Variants in SPMIP6 observed in about 807,000 individuals in gnomAD.
SPMIP6 encodes ciliated bronchial epithelial protein 1.
chr9:34,381,117 C>A, the SPMIP6 span: 1 of 1,597,218 alleles, frequency 6.3e-7, no homozygotes. The surrounding 1 kb of genome is among the most constrained non-coding windows in gnomAD (Gnocchi z 4.4). Context: ...AGCATGTTCA[C>A]CATCACTTCG....
chr9:34,382,192 G>A, the SPMIP6 span, among the ~76,000 whole-genome samples: 1 of 152,172 alleles, frequency 6.6e-6, no homozygotes, highest in South Asian at 2.1e-4. Context: ...TCCCTACAGA[G>A]CCCAGCCAGG....
chr9:34,380,780 G>A, the SPMIP6 span: 44 of 1,546,320 alleles, frequency 2.8e-5, no homozygotes, highest in Non-Finnish European at 3.8e-5. Flanking sequence ...CGTGCAGCGC[G>A]GGGCTAGAGC....
chr9:34,385,600 G>A, the SPMIP6 span: 1 of 1,599,846 alleles, frequency 6.3e-7, no homozygotes, highest in Non-Finnish European at 8.5e-7. Flanking sequence ...TTCAGGTTGG[G>A]GGTCATTTTA....
At chr9:34,387,748 A>G in the SPMIP6 span, among the ~76,000 whole-genome samples, 1 of 152,204 alleles carries the variant, frequency 6.6e-6, no homozygotes, top group African/African-American at 2.4e-5. Context: ...ATAAAAGCTT[A>G]TTGAAGGCTT....
the SPMIP6 span, among the ~76,000 whole-genome samples, chr9:34,387,985 G>A: frequency 1.3e-5 from 2 of 152,094 alleles, no homozygotes; most frequent in Non-Finnish European, 1.5e-5. Flanking sequence ...TTCAGTATAT[G>A]GGGGTTCACT....
At chr9:34,389,346 T>G in the SPMIP6 span, among the ~76,000 whole-genome samples, 1 of 152,254 alleles carries the variant, frequency 6.6e-6, no homozygotes, top group Non-Finnish European at 1.5e-5. Flanking sequence ...TGTATCTCCT[T>G]GTAAACACAA....
chr9:34,382,313 G>C, the SPMIP6 span, among the ~76,000 whole-genome samples: 1 of 152,234 alleles, frequency 6.6e-6, no homozygotes, highest in East Asian at 1.9e-4. Context: ...GCCAGGTGCA[G>C]TGGCTCATGC....
chr9:34,379,760 G>T, the SPMIP6 span: 3 of 1,582,576 alleles, frequency 1.9e-6, no homozygotes, highest in Admixed American at 5.0e-5. The surrounding 1 kb of genome is among the most constrained non-coding windows in gnomAD (Gnocchi z 4.2). Context: ...CGCGAGCATG[G>T]AGGGGTTGGG....
At chr9:34,379,875 A>C in the SPMIP6 span, 1 of 625,982 alleles carries the variant, frequency 1.6e-6, no homozygotes, top group Non-Finnish European at 2.9e-6. The surrounding 1 kb of genome is among the most constrained non-coding windows in gnomAD (Gnocchi z 4.2). Flanking sequence ...CACCCTTCAA[A>C]ACCCCCACTG....
chr9:34,393,203 C>A, the SPMIP6 span, among the ~76,000 whole-genome samples: 1 of 152,170 alleles, frequency 6.6e-6, no homozygotes, highest in Non-Finnish European at 1.5e-5. Flanking sequence ...CTGTCCTGTT[C>A]CAACTTAAAT....
At chr9:34,379,120 G>C in the SPMIP6 span, 1 of 1,613,774 alleles carries the variant, frequency 6.2e-7, no homozygotes. This position sits in a 1 kb window ranked among gnomAD's most constrained non-coding sequence, Gnocchi z 4.2. Flanking sequence ...ACAAACTCAG[G>C]ATGGATAACA....
the SPMIP6 span, among the ~76,000 whole-genome samples, chr9:34,394,486 T>TA: frequency 6.6e-6 from 1 of 151,558 alleles, no homozygotes; most frequent in South Asian, 2.1e-4. Flanking sequence ...CTGTTAATTC[T>TA]AATATCTGAA....
chr9:34,381,305 C>T, the SPMIP6 span: 27 of 1,608,512 alleles, frequency 1.7e-5, 1 homozygote, highest in Middle Eastern at 1.7e-4. The surrounding 1 kb of genome is among the most constrained non-coding windows in gnomAD (Gnocchi z 4.4). Context: ...CCATCCCGCC[C>T]TCCTCCCGGC....
At chr9:34,381,601 C>A in the SPMIP6 span, 2 of 1,446,424 alleles carry the variant, frequency 1.4e-6, no homozygotes, top group Non-Finnish European at 1.8e-6. The surrounding 1 kb of genome is among the most constrained non-coding windows in gnomAD (Gnocchi z 4.4). Flanking sequence ...GCGGCTGTCA[C>A]CGGGCAACGC....
At chr9:34,394,211 G>A in the SPMIP6 span, among the ~76,000 whole-genome samples, 19,426 of 151,958 alleles carry the variant, frequency 0.13, 1,579 homozygotes, top group East Asian at 0.25. Flanking sequence ...GCTGGAGTGC[G>A]GTGGCATGAT....
the SPMIP6 span, among the ~76,000 whole-genome samples, chr9:34,391,895 T>C: frequency 3.3e-5 from 5 of 152,166 alleles, no homozygotes; most frequent in African/African-American, 1.2e-4. Flanking sequence ...GAGTTTTAGA[T>C]CTTTGCTTTT....
the SPMIP6 span, chr9:34,385,640 C>T: frequency 3.7e-6 from 6 of 1,612,776 alleles, no homozygotes; most frequent in Non-Finnish European, 4.2e-6. Context: ...GCCTTACCTT[C>T]CTCTTGAGAA....
chr9:34,383,216 T>G, the SPMIP6 span, among the ~76,000 whole-genome samples: 1 of 152,222 alleles, frequency 6.6e-6, no homozygotes, highest in Non-Finnish European at 1.5e-5. Flanking sequence ...TTGCCTATTC[T>G]GCCTCCTTCA....
At chr9:34,382,770 A>G in the SPMIP6 span, 8 of 1,613,424 alleles carry the variant, frequency 5.0e-6, no homozygotes, top group Non-Finnish European at 6.8e-6. Context: ...CAGCCGAGGA[A>G]GGTAGGTGGT....
Sources: gnomAD v4.1 joint callset for allele counts (sites outside exome capture counted in the v4.1 genomes callset) on GRCh38, gnomAD v4.1.1 for gene constraint, Gnocchi (gnomAD v3.1) non-coding constraint, MANE v1.5 for transcripts, NCBI Gene and HGNC (gene_info 2026-07-23, HGNC 2026-07-21) for gene names.